Variants in GMDS observed in about 807,000 individuals in gnomAD.
The protein encoded by GMDS is GDP-mannose 4,6 dehydratase.
A neutral mutation model predicts 49.9 loss-of-function variants in GMDS; 20 were observed. The observed-to-expected ratio is 0.40, with a 90% CI of 0.28 to 0.58. GMDS has a LOEUF of 0.58. GMDS is among the 20% of genes least tolerant of loss of function. The pLI, the probability that GMDS is intolerant of heterozygous loss-of-function variation, is 0.42. For synonymous variants in GMDS, 177 were observed against 178.6 expected, an observed-to-expected ratio of 0.99 and a Z score of 0.07; for missense variants, 362 against 481.4, an observed-to-expected ratio of 0.75 and a Z score of 2.32.
chr6:1,876,754 A>G (rs1168651680), intron 7 of GMDS, among the ~76,000 whole-genome samples: 1 of 152,264 alleles, frequency 6.6e-6, no homozygotes, highest in Admixed American at 6.5e-5. Context: ...TAGTTCAACG[A>G]ACTTTTATTT....
chr6:1,944,705 G>C (rs11242726), intron 6 of GMDS, among the ~76,000 whole-genome samples: 13 of 148,986 alleles, frequency 8.7e-5, no homozygotes, highest in African/African-American at 3.2e-4. Context: ...TTTCACGTTC[G>C]AAGTAACTTA....
At chr6:1,815,848 T>C (rs759005639) in intron 7 of GMDS, among the ~76,000 whole-genome samples, 54 of 152,232 alleles carry the variant, frequency 3.5e-4, no homozygotes, top group Non-Finnish European at 6.5e-4. Context: ...CACCTTATCC[T>C]GATGTCAATT....
intron 4 of GMDS, among the ~76,000 whole-genome samples, chr6:2,101,644 T>C (rs1209804227): frequency 2.0e-5 from 3 of 152,106 alleles, no homozygotes; most frequent in Admixed American, 1.3e-4. Context: ...TATGAACTTA[T>C]GTGTTTATCT....
intron 4 of GMDS, among the ~76,000 whole-genome samples, chr6:2,066,192 T>C (rs1259116196): frequency 6.9e-6 from 1 of 145,150 alleles, no homozygotes; most frequent in African/African-American, 2.5e-5. Context: ...GAAGGAGAAA[T>C]AAAATACTTT....
chr6:2,232,622 A>T (rs895051454), intron 1 of GMDS, among the ~76,000 whole-genome samples: 2 of 152,244 alleles, frequency 1.3e-5, no homozygotes, highest in African/African-American at 4.8e-5. Flanking sequence ...TAATTGAATC[A>T]GAAATCTATG....
At chr6:1,717,455 G>T (rs187287651) in intron 9 of GMDS, 2 of 152,284 alleles carry the variant, frequency 1.3e-5, no homozygotes, top group African/African-American at 2.4e-5. Flanking sequence ...GTTCTAGGAG[G>T]AGCTGTAGAG....
At chr6:1,744,190 T>C (rs534102350) in intron 7 of GMDS, among the ~76,000 whole-genome samples, 12 of 152,338 alleles carry the variant, frequency 7.9e-5, no homozygotes, top group Non-Finnish European at 1.3e-4. Context: ...TGTATGTTTT[T>C]GTATTTTTGG....
intron 4 of GMDS, among the ~76,000 whole-genome samples, chr6:1,974,734 A>G (rs1764799440): frequency 6.6e-6 from 1 of 152,114 alleles, no homozygotes; most frequent in South Asian, 2.1e-4. Flanking sequence ...AATGCCCATA[A>G]AAAGGTAACC....
intron 1 of GMDS, among the ~76,000 whole-genome samples, chr6:2,192,250 T>C (rs967816384): frequency 6.6e-6 from 1 of 152,112 alleles, no homozygotes; most frequent in Admixed American, 6.5e-5. Context: ...TGCTAGGAGC[T>C]GAACACTCAT....
At chr6:2,200,149 C>T (rs781013036) in intron 1 of GMDS, among the ~76,000 whole-genome samples, 10 of 152,238 alleles carry the variant, frequency 6.6e-5, no homozygotes, top group Non-Finnish European at 4.4e-5. Context: ...GTAAACAGAA[C>T]ACTCTACACT....
At chr6:2,159,512 T>A (rs1335099489) in intron 1 of GMDS, among the ~76,000 whole-genome samples, 1 of 148,358 alleles carries the variant, frequency 6.7e-6, no homozygotes, top group African/African-American at 2.5e-5. Context: ...ATTTCTTTTT[T>A]TCTTTTTTTT....
At chr6:1,847,204 A>T (rs904440792) in intron 7 of GMDS, among the ~76,000 whole-genome samples, 10 of 151,978 alleles carry the variant, frequency 6.6e-5, no homozygotes, top group African/African-American at 2.4e-4. Flanking sequence ...TACAGGTACA[A>T]GCCACCACGC....
Position 2,215,710 on chromosome 6 carries a change from T to TA in GMDS, c.102+29610dup, listed in dbSNP as rs1424437299. ...GGAAGGAAGGGGGAAAGGAGGTAAT[T>TA]AAAGACAGGCTAAGAGACATTGACC... On this transcript the variant is annotated intron_variant, in intron 1 of 10. Transcript: ENST00000380815. Among the ~76,000 whole-genome samples the TA allele has an allele frequency of 3.9e-5, 6 of 152,026 alleles. No individual in the cohort carries two copies. In the East Asian group the frequency reaches 1.2e-3, roughly 29 times the overall value.
intron 7 of GMDS, among the ~76,000 whole-genome samples, chr6:1,793,496 T>C (rs1269923839): frequency 2.0e-5 from 3 of 152,242 alleles, no homozygotes; most frequent in Non-Finnish European, 4.4e-5. Context: ...ATCTTTAAGA[T>C]GTCCATGGAC....
intron 1 of GMDS, among the ~76,000 whole-genome samples, chr6:2,241,425 G>T (rs1349358087): frequency 1.3e-5 from 2 of 152,190 alleles, no homozygotes; most frequent in Non-Finnish European, 2.9e-5. Context: ...ATGTGAGAAG[G>T]ATGAGATCTG....
At chr6:1,957,954 G>T (rs2127292736) in intron 6 of GMDS, among the ~76,000 whole-genome samples, 2 of 151,808 alleles carry the variant, frequency 1.3e-5, no homozygotes, top group South Asian at 4.2e-4. Flanking sequence ...AGGCACCCAT[G>T]ACCACACCTG....
chr6:1,677,852 G>A (rs967058801), intron 9 of GMDS, among the ~76,000 whole-genome samples: 3 of 150,722 alleles, frequency 2.0e-5, no homozygotes, highest in Non-Finnish European at 4.4e-5. Flanking sequence ...TGTAAATGAC[G>A]CGTTAATGGG....
rs561858645 is a variant in GMDS, at chr6:2,087,657, G to T, written c.345+28114C>A. Among the ~76,000 whole-genome samples, 91 of 152,294 alleles carry T rather than the reference G, an allele frequency of 6.0e-4. No individual in the cohort carries two copies. The South Asian group carries it at 0.018, about 31-fold the overall frequency. On this transcript the variant is annotated intron_variant, in intron 4 of 10. Coordinates refer to ENST00000380815, the MANE Select transcript of GMDS (RefSeq NM_001500.4). ...GACTGCTGTGGTAAGTAAACTTCAT[G>T]TTTTAGCACTTAGCCACACGCAATT...
chr6:1,960,990 G>C (rs746476240), intron 4 of GMDS, 24 bp from the exon 5 acceptor site: 2 of 1,471,636 alleles, frequency 1.4e-6, no homozygotes, highest in Non-Finnish European at 1.9e-6. Context: ...GCGGAGACAG[G>C]GCTGCATTAA....
Sources: gnomAD v4.1 joint callset for allele counts (sites outside exome capture counted in the v4.1 genomes callset) on GRCh38, gnomAD v4.1.1 for gene constraint, MANE v1.5 for transcripts, NCBI Gene and HGNC (gene_info 2026-07-23, HGNC 2026-07-21) for gene names.